BBLN: variants seen among roughly 807,000 people sequenced by gnomAD.
BBLN encodes the protein bublin coiled coil protein, also known as bublin coiled-coil protein.
BBLN carries 6 observed loss-of-function variants against 7.6 expected under a neutral mutation model. That is an observed-to-expected ratio of 0.79 (90% confidence interval 0.43 to 1.55). The LOEUF (loss-of-function observed/expected upper bound fraction) is 1.55. Ranked by LOEUF, BBLN falls within the 40% of genes most tolerant of loss-of-function variation. The probability of loss-of-function intolerance (pLI) is 0.01; values close to 1 mark genes in which losing one functional copy is unlikely to be tolerated. For synonymous variants in BBLN, 35 were observed against 46.7 expected (o/e 0.75, Z 1.02); for missense variants, 100 against 111.1 (o/e 0.90, Z 0.45).
chr9:128,161,087 C>CAAAAAA lies in BBLN; in HGVS notation c.79+604_79+609dup, dbSNP rs10524542. Among the ~76,000 whole-genome samples the CAAAAAA allele has an allele frequency of 5.9e-3, 747 of 125,922 alleles. 14 individuals carry two copies. Among genetic ancestry groups the CAAAAAA allele is most frequent in the African/African-American group, 0.018 (618 of 34,200 alleles). The allele number at this position is 125,922 out of a possible 152,430, so 82.6% of individuals were successfully genotyped here. ...CACTGGGATGTGTCAGAATTAAATG[C>CAAAAAA]AAAAAAAAGGAAAATCCTTAGCAGG... On this transcript the variant is annotated intron_variant, in intron 1 of 1. Coordinates refer to ENST00000372994, the MANE Select transcript of BBLN (RefSeq NM_024112.4).
rs1476015826 is a variant in BBLN, at chr9:128,163,579, G to A, written c.216G>A (p.Gln72=). 2 of 1,589,628 alleles carry A rather than the reference G, an allele frequency of 1.3e-6. No individual in the cohort carries two copies. Among genetic ancestry groups the A allele is most frequent in the Admixed American group, 1.8e-5 (1 of 57,124 alleles). ...GGCAGACACGCCTGGAGTTCCAGCAGCAGCTCGGGGAGGCCCCCAGTGATG... is the reference window on the plus strand; with the variant it reads ...GGCAGACACGCCTGGAGTTCCAGCAACAGCTCGGGGAGGCCCCCAGTGATG... ...SNRQTRLEFQ[Q]QLGEAPSDAS... is the part of the protein sequence containing the mutation. The change falls in exon 2 of 2, where the codon CAG becomes CAA. Residue 72 remains glutamine, a synonymous_variant. Transcript: ENST00000372994. This position sits in a 1 kb window ranked among gnomAD's most constrained non-coding sequence, Gnocchi z 5.7.
chr9:128,160,297 C>G lies in BBLN; in HGVS notation c.-111C>G, dbSNP rs114849954. 3.1e-3 allele frequency: 1,695 copies of G among 548,740 alleles called. 33 individuals are homozygous for G. The highest frequency in any genetic ancestry group is 0.031 in the African/African-American group (1,576 of 51,314). 34.0% of individuals were successfully genotyped at this position (548,740 alleles called of 1,614,324 possible). ...CGGAGATCTGCTGCCGCGTTCTACCCTTCCGGCCCGTGTTCTATCCGCCGC... is the reference window on the plus strand; with the variant it reads ...CGGAGATCTGCTGCCGCGTTCTACCGTTCCGGCCCGTGTTCTATCCGCCGC... On this transcript the variant is annotated 5_prime_UTR_variant, in exon 1 of 2. Coordinates refer to ENST00000372994, the MANE Select transcript of BBLN (RefSeq NM_024112.4).
At position 128,163,129 on chromosome 9, in the gene BBLN, T is replaced by C. The variant is rs1028293361; in HGVS notation, c.80-314T>C. Among the ~76,000 whole-genome samples the C allele has an allele frequency of 6.6e-6, 1 of 152,188 alleles. No individual in the cohort carries two copies. The highest frequency in any genetic ancestry group is 2.4e-5 in the African/African-American group (1 of 41,426). ...ATGCCCAACTCAGGAATGTGGGCTC[T>C]GGCCACTAAGCAGCTGCTGCAGGAA... On this transcript the variant is annotated intron_variant, in intron 1 of 1. Coordinates refer to ENST00000372994, the MANE Select transcript of BBLN (RefSeq NM_024112.4). The surrounding 1 kb of genome is among the most constrained non-coding windows in gnomAD (Gnocchi z 5.7).
intron 1 of BBLN, among the ~76,000 whole-genome samples, chr9:128,161,672 GCT>G (rs1432141869): frequency 6.8e-6 from 1 of 147,220 alleles, no homozygotes; most frequent in African/African-American, 2.6e-5. Flanking sequence ...TCGGAGTCTT[GCT>G]CTGTTGCCCA....
In BBLN at chr9:128,163,724, C is replaced by T. The variant is rs1305068671; in HGVS notation, c.*109C>T. The T allele has an allele frequency of 8.8e-6, 9 of 1,018,828 alleles. No individual in the cohort carries two copies. Among genetic ancestry groups the T allele is most frequent in the Non-Finnish European group, 1.2e-5 (9 of 743,274 alleles). The allele number at this position is 1,018,828 out of a possible 1,614,324, so 63.1% of individuals were successfully genotyped here. On this transcript the variant is annotated 3_prime_UTR_variant, in exon 2 of 2. Coordinates refer to ENST00000372994, the MANE Select transcript of BBLN (RefSeq NM_024112.4). This position sits in a 1 kb window ranked among gnomAD's most constrained non-coding sequence, Gnocchi z 5.7. ...CTTCTCAAGGGCTGGCCTTCAGGGA[C>T]CCCTGGTGGGTCTGCCTGCCTGGGC...
At chr9:128,162,901 G>C (rs939094246) in intron 1 of BBLN, 1 of 154,390 alleles carries the variant, frequency 6.5e-6, no homozygotes, top group African/African-American at 2.4e-5. Flanking sequence ...AGGAAGATGG[G>C]AGGACCCAGC....
At chr9:128,160,781 G>A (rs1385863562) in intron 1 of BBLN, among the ~76,000 whole-genome samples, 3 of 152,224 alleles carry the variant, frequency 2.0e-5, no homozygotes, top group African/African-American at 7.2e-5. Flanking sequence ...GGGGGAGACC[G>A]AGGCACCTGA....
rs1829241111 is a variant in BBLN, at chr9:128,160,363, G to T, written c.-45G>T. ...GGCGCCGGCTTTCGGCGCGACGGTC[G>T]CCGCGTTCCATCGTCGCGCGGCCCT... On this transcript the variant is annotated 5_prime_UTR_variant, in exon 1 of 2. Coordinates refer to ENST00000372994, the MANE Select transcript of BBLN (RefSeq NM_024112.4). 2 of 1,171,476 alleles carry T rather than the reference G, an allele frequency of 1.7e-6. No individual in the cohort carries two copies. Among genetic ancestry groups the T allele is most frequent in the Non-Finnish European group, 2.2e-6 (2 of 925,864 alleles). The allele number at this position is 1,171,476 out of a possible 1,614,324, so 72.6% of individuals were successfully genotyped here. A position where few individuals can be genotyped will look rare whatever the true frequency, so the allele number is the denominator to read the frequency against.
rs893419182 is a variant in BBLN, at chr9:128,160,628, G to A, written c.79+142G>A. 9 of 664,926 alleles carry A rather than the reference G, an allele frequency of 1.4e-5. No individual in the cohort carries two copies. In the African/African-American group the frequency reaches 1.5e-4, roughly 11 times the overall value. The allele number at this position is 664,926 out of a possible 1,614,324, so 41.2% of individuals were successfully genotyped here. On this transcript the variant is annotated intron_variant, in intron 1 of 1. Coordinates refer to ENST00000372994, the MANE Select transcript of BBLN (RefSeq NM_024112.4). ...GGTCCGGAGTTGTAGGTGCTGTCTC[G>A]GATGCAGGGCGAGCACCCGCGAGCC...
intron 1 of BBLN, among the ~76,000 whole-genome samples, chr9:128,161,727 G>A (rs1037773730): frequency 2.0e-5 from 3 of 150,910 alleles, no homozygotes; most frequent in Admixed American, 6.6e-5. Context: ...TGCAACCTCC[G>A]CCTTCTGGGT....
At chr9:128,160,604 G>A in intron 1 of BBLN, 118 bp downstream of exon 1, 1 of 774,110 alleles carries the variant, frequency 1.3e-6, no homozygotes, top group Non-Finnish European at 1.9e-6. Flanking sequence ...CCCCGAGCGG[G>A]TCCGGAGTTG....
At chr9:128,160,825 G>T (rs1004136077) in intron 1 of BBLN, among the ~76,000 whole-genome samples, 1 of 152,268 alleles carries the variant, frequency 6.6e-6, no homozygotes, top group Non-Finnish European at 1.5e-5. Context: ...GAGGGGCCGG[G>T]CCGGGACGTG....
At position 128,163,576 on chromosome 9, in the gene BBLN, G is replaced by T; in HGVS notation, c.213G>T (p.Gln71His). 1 of 1,593,688 alleles carries T rather than the reference G, an allele frequency of 6.3e-7. No individual in the cohort carries two copies. The highest frequency in any genetic ancestry group is 8.6e-7 in the Non-Finnish European group (1 of 1,169,524). The change falls in exon 2 of 2, where the codon CAG becomes CAT. Residue 71 changes from glutamine (Q) to histidine (H), a missense_variant. By Grantham distance (24) the Gln-to-His change is conservative (BLOSUM62 0). Transcript: ENST00000372994. This position sits in a 1 kb window ranked among gnomAD's most constrained non-coding sequence, Gnocchi z 5.7. The part of the protein sequence containing the change: ...ESNRQTRLEF[Q>H]QQLGEAPSDA... Reference sequence around the variant, plus strand: ...ACCGGCAGACACGCCTGGAGTTCCAGCAGCAGCTCGGGGAGGCCCCCAGTG... The same window carrying T: ...ACCGGCAGACACGCCTGGAGTTCCATCAGCAGCTCGGGGAGGCCCCCAGTG...
chr9:128,160,627 C>A, intron 1 of BBLN, 141 bp downstream of exon 1: 1 of 666,644 alleles, frequency 1.5e-6, no homozygotes, highest in Non-Finnish European at 2.4e-6. Context: ...GGTGCTGTCT[C>A]GGATGCAGGG....
chr9:128,160,828 G>A (rs970548749), intron 1 of BBLN, among the ~76,000 whole-genome samples: 12 of 152,232 alleles, frequency 7.9e-5, no homozygotes, highest in Non-Finnish European at 1.5e-4. Flanking sequence ...GGGCCGGGCC[G>A]GGACGTGGAG....
chr9:128,160,966 G>A (rs886553602), intron 1 of BBLN, among the ~76,000 whole-genome samples: 1 of 151,992 alleles, frequency 6.6e-6, no homozygotes, highest in African/African-American at 2.4e-5. Flanking sequence ...TACGAGTGCA[G>A]GGGTGGGGTG....
chr9:128,162,111 G>C (rs1275731321), intron 1 of BBLN: 1 of 152,170 alleles, frequency 6.6e-6, no homozygotes, highest in East Asian at 1.9e-4. Flanking sequence ...GAGGACCCTG[G>C]GCAGGTTCCT....
Position 128,163,047 on chromosome 9 carries a change from C to G in BBLN, c.80-396C>G, listed in dbSNP as rs1241189039. 1 of 161,524 alleles carries G rather than the reference C, an allele frequency of 6.2e-6. No individual in the cohort carries two copies. Among genetic ancestry groups the G allele is most frequent in the Non-Finnish European group, 1.4e-5 (1 of 73,552 alleles). 10.0% of individuals were successfully genotyped at this position (161,524 alleles called of 1,614,324 possible). On this transcript the variant is annotated intron_variant, in intron 1 of 1. Transcript: ENST00000372994. The surrounding 1 kb of genome is among the most constrained non-coding windows in gnomAD (Gnocchi z 5.7). ...TGGAGACTCCGCTGGGTGTTTTATC[C>G]TGAGGGAGCCACAGAAGGGCTGGCG...
Position 128,163,086 on chromosome 9 carries a change from T to G in BBLN, c.80-357T>G, listed in dbSNP as rs968163221. 44 of 176,330 alleles carry G rather than the reference T, an allele frequency of 2.5e-4. No homozygotes were observed. The highest frequency in any genetic ancestry group is 4.8e-5 in the Non-Finnish European group (4 of 83,528). 10.9% of individuals were successfully genotyped at this position (176,330 alleles called of 1,614,324 possible). Reference sequence around the variant, plus strand: ...GAAGGGCTGGCGAACAGGGCCCATCTGGGGACAGAGGCCTTGAATGCCCAA... The same window carrying G: ...GAAGGGCTGGCGAACAGGGCCCATCGGGGGACAGAGGCCTTGAATGCCCAA... On this transcript the variant is annotated intron_variant, in intron 1 of 1. Transcript: ENST00000372994. This position sits in a 1 kb window ranked among gnomAD's most constrained non-coding sequence, Gnocchi z 5.7.
Sources: gnomAD v4.1 joint callset for allele counts (sites outside exome capture counted in the v4.1 genomes callset) on GRCh38, gnomAD v4.1.1 for gene constraint, Gnocchi (gnomAD v3.1) non-coding constraint, MANE v1.5 for transcripts, NCBI Gene and HGNC (gene_info 2026-07-23, HGNC 2026-07-21) for gene names.